BRF1: variants seen among roughly 807,000 people sequenced by gnomAD.
BRF1 encodes the protein transcription factor IIIB 90 kDa subunit.
BRF1 carries 59 observed loss-of-function variants against 81.7 expected under a neutral mutation model. That is an observed-to-expected ratio of 0.72 (90% CI 0.59 to 0.90). BRF1 has a LOEUF of 0.90. Ranked by LOEUF, BRF1 falls within the 40% of genes least tolerant of loss-of-function variation. The pLI, the probability that BRF1 is intolerant of heterozygous loss-of-function variation, is 0.00. For missense variants in BRF1, 1,050 were observed against 936.3 expected, an observed-to-expected ratio of 1.12 and a Z score of -1.58; for synonymous variants, 491 against 395.6, an observed-to-expected ratio of 1.24 and a Z score of -2.86.
chr14:105,240,939 G>A (rs143975125), intron 6 of BRF1, among the ~76,000 whole-genome samples: 123 of 152,034 alleles, frequency 8.1e-4, no homozygotes, highest in East Asian at 2.6e-3. Context: ...CCACACCACT[G>A]TCCGCGTCAG....
chr14:105,261,682 C>T (rs976881868), intron 3 of BRF1, among the ~76,000 whole-genome samples: 4 of 152,206 alleles, frequency 2.6e-5, no homozygotes, highest in Non-Finnish European at 5.9e-5. Context: ...AAGAGAGAAG[C>T]GAGGGAAAGT....
chr14:105,286,435 T>G, intron 1 of BRF1, 59 bp from the exon 2 acceptor site: 6 of 1,518,692 alleles, frequency 4.0e-6, no homozygotes, highest in Non-Finnish European at 5.4e-6. Flanking sequence ...TTACAACCCT[T>G]TCCTAACATC....
At chr14:105,215,474 GCA>G (rs1295049173) in intron 15 of BRF1, among the ~76,000 whole-genome samples, 1 of 151,110 alleles carries the variant, frequency 6.6e-6, no homozygotes, top group Admixed American at 6.6e-5. Context: ...CAGAACACAT[GCA>G]CACACACACG....
At chr14:105,212,244 C>T in intron 15 of BRF1, 80 bp from the exon 16 acceptor site, 1 of 1,529,850 alleles carries the variant, frequency 6.5e-7, no homozygotes, top group Middle Eastern at 1.7e-4. Flanking sequence ...GCCCATCTTC[C>T]CTTTCCCAGT....
chr14:105,209,630 T>A lies in BRF1; in HGVS notation c.*921A>T, dbSNP rs1175420921. ...AGAGGCCTGGGGAGGCTCTCGGGCC[T>A]CCGTCTGCCCTCCCTCCTCGATGGG... On this transcript the variant is annotated 3_prime_UTR_variant, in exon 18 of 18. Coordinates refer to ENST00000547530, the MANE Select transcript of BRF1 (RefSeq NM_001519.4). 7.2e-6 allele frequency: 5 copies of A among 695,168 alleles called. No homozygotes were observed. The highest frequency in any genetic ancestry group is 1.8e-5 in the African/African-American group (1 of 57,106). 43.1% of individuals were successfully genotyped at this position (695,168 alleles called of 1,614,324 possible).
At chr14:105,229,493 C>T (rs140387111) in intron 6 of BRF1, among the ~76,000 whole-genome samples, 99 of 152,316 alleles carry the variant, frequency 6.5e-4, no homozygotes, top group Non-Finnish European at 9.4e-4. Context: ...AGGGCCCTGC[C>T]GACCTGGGGC....
At chr14:105,214,516 A>ACACCCCTGCGTGGCT (rs1890736910) in intron 15 of BRF1, among the ~76,000 whole-genome samples, 1 of 124,382 alleles carries the variant, frequency 8.0e-6, no homozygotes, top group Non-Finnish European at 1.7e-5. Context: ...TCAGCTGCCC[A>ACACCCCTGCGTGGCT]CACCCCTGCG....
intron 10 of BRF1, among the ~76,000 whole-genome samples, chr14:105,223,826 C>T (rs1050312991): frequency 2.0e-5 from 3 of 152,144 alleles, no homozygotes; most frequent in African/African-American, 7.2e-5. Context: ...TAAAAATCAC[C>T]CAATGGTAAA....
chr14:105,254,413 C>T (rs954249851), intron 4 of BRF1, among the ~76,000 whole-genome samples: 3 of 152,084 alleles, frequency 2.0e-5, no homozygotes, highest in Non-Finnish European at 2.9e-5. Flanking sequence ...CCCACCACCA[C>T]GCCCAGCTAA....
intron 15 of BRF1, among the ~76,000 whole-genome samples, chr14:105,216,531 A>G (rs763714925): frequency 1.3e-5 from 2 of 151,952 alleles, no homozygotes; most frequent in Non-Finnish European, 2.9e-5. Context: ...ACGCCGGCTG[A>G]GAAGCACCAG....
At chr14:105,222,756 G>A (rs1367314295) in intron 10 of BRF1, among the ~76,000 whole-genome samples, 11 of 152,124 alleles carry the variant, frequency 7.2e-5, no homozygotes, top group Non-Finnish European at 1.5e-4. Flanking sequence ...AGCCTCCTGA[G>A]TAGCTGGGAC....
Position 105,297,028 on chromosome 14 carries a change from G to A in BRF1, c.184+3418C>T, listed in dbSNP as rs587683218. On this transcript the variant is annotated intron_variant, in intron 1 of 17. Coordinates refer to ENST00000547530, the MANE Select transcript of BRF1 (RefSeq NM_001519.4). ...CAAAAATTAGCCAGGCGTGGTGGTG[G>A]GCTCCTGTAATCACAGCTACTTGGG... Among the ~76,000 whole-genome samples the A allele has an allele frequency of 2.8e-3, 429 of 151,592 alleles. 3 individuals are homozygous for A. The highest frequency in any genetic ancestry group is 9.8e-3 in the African/African-American group (406 of 41,298).
At position 105,245,389 on chromosome 14, in the gene BRF1, G is replaced by A. The variant is rs1009332628; in HGVS notation, c.545-3975C>T. ...AAAAATAAATAAATAAATAAAGGAA[G>A]CAATGAAATTAATGAACTAAAATAA... On this transcript the variant is annotated intron_variant, in intron 5 of 17. Transcript: ENST00000547530. Among the ~76,000 whole-genome samples the A allele has an allele frequency of 4.0e-5, 6 of 151,854 alleles. No homozygotes were observed. The South Asian group carries it at 8.3e-4, about 21-fold the overall frequency.
In BRF1 at chr14:105,295,503, G is replaced by A. The variant is rs587680376; in HGVS notation, c.184+4943C>T. On this transcript the variant is annotated intron_variant, in intron 1 of 17. Coordinates refer to ENST00000547530, the MANE Select transcript of BRF1 (RefSeq NM_001519.4). ...CGCACCTGTAGTACCAGCAACTCAG[G>A]AGGCTGAGCTGGGAGGGTCACTGGA... Among the ~76,000 whole-genome samples, 451 of 152,032 alleles carry A rather than the reference G, an allele frequency of 3.0e-3. 1 individual carries two copies. Among genetic ancestry groups the A allele is most frequent in the African/African-American group, 0.01 (424 of 41,444 alleles).
rs587742730 is a variant in BRF1, at chr14:105,248,511, T to C, written c.544+3996A>G. 4.4e-4 allele frequency: 429 copies of C among 967,528 alleles called. 2 individuals are homozygous for C. The African/African-American group carries it at 7.2e-3, about 16-fold the overall frequency. 59.9% of individuals were successfully genotyped at this position (967,528 alleles called of 1,614,324 possible). A position where few individuals can be genotyped will look rare whatever the true frequency, so the allele number is the denominator to read the frequency against. On this transcript the variant is annotated intron_variant, in intron 5 of 17. Coordinates refer to ENST00000547530, the MANE Select transcript of BRF1 (RefSeq NM_001519.4). ...GGGGCGGGGCCGCGAGGCAGCGACG[T>C]CGCGCGGGGCGCGGCCCTGACGCAG...
At chr14:105,248,576 G>GGCGAGCGGGCGGGCGA (rs1386738404) in intron 5 of BRF1, 7 of 913,504 alleles carry the variant, frequency 7.7e-6, no homozygotes, top group African/African-American at 7.6e-5. Flanking sequence ...GGCTCGGGCG[G>GGCGAGCGGGCGGGCGA]GCGGGCGGGC....
At chr14:105,224,839 T>C (rs372653932) in intron 10 of BRF1, among the ~76,000 whole-genome samples, 1 of 152,330 alleles carries the variant, frequency 6.6e-6, no homozygotes, top group Admixed American at 6.5e-5. Context: ...ACCACCATGC[T>C]TGACCCACTC....
rs184236637 is a variant in BRF1, at chr14:105,210,880, G to A, written c.1996+242C>T. Among the ~76,000 whole-genome samples the A allele has an allele frequency of 9.2e-5, 14 of 152,240 alleles. No individual in the cohort carries two copies. In the East Asian group the frequency reaches 2.3e-3, roughly 25 times the overall value. On this transcript the variant is annotated intron_variant, in intron 17 of 17. Transcript: ENST00000547530. The surrounding 1 kb of genome is among the most constrained non-coding windows in gnomAD (Gnocchi z 4.7). ...GGTGGTGTGCAGATCCGGGAACCTC[G>A]TGCTGCTGGCTGGGCGGCCCTCGTG...
At chr14:105,296,263 A>G (rs2057739943) in intron 1 of BRF1, among the ~76,000 whole-genome samples, 1 of 152,008 alleles carries the variant, frequency 6.6e-6, no homozygotes, top group Admixed American at 6.6e-5. Context: ...AACAGCTCAC[A>G]CCTGTAATCC....
Sources: allele counts gnomAD v4.1 joint callset (sites outside exome capture counted in the v4.1 genomes callset), GRCh38; gene constraint gnomAD v4.1.1; non-coding constraint Gnocchi (gnomAD v3.1); transcripts MANE v1.5; gene names NCBI Gene and HGNC (gene_info 2026-07-23, HGNC 2026-07-21).